OTOGL: variants seen among roughly 807,000 people sequenced by gnomAD.
OTOGL encodes the protein otogelin-like protein.
In OTOGL, 285 loss-of-function variants were observed where a neutral mutation model predicts 318.5. The observed-to-expected ratio is 0.89, with a 90% CI of 0.81 to 0.99. OTOGL has a LOEUF of 0.99. Ranked by LOEUF, OTOGL falls within the 50% of genes least tolerant of loss-of-function variation. OTOGL has a pLI of 0.00. For missense variants in OTOGL, 2,899 were observed against 2,845.6 expected, an observed-to-expected ratio of 1.02 and a Z score of -0.43; for synonymous variants, 987 against 936.5, an observed-to-expected ratio of 1.05 and a Z score of -0.99.
intron 3 of OTOGL, among the ~76,000 whole-genome samples, chr12:80,211,329 T>A (rs925217318): frequency 2.0e-5 from 3 of 152,076 alleles, no homozygotes; most frequent in African/African-American, 7.2e-5. Context: ...ATAAAGAAAA[T>A]CATTTTTTGG....
chr12:80,375,753 A>G (rs1363921379), intron 57 of OTOGL, among the ~76,000 whole-genome samples: 1 of 152,044 alleles, frequency 6.6e-6, no homozygotes, highest in Non-Finnish European at 1.5e-5. Context: ...GGTAAAGATG[A>G]TTTTTTTCAT....
At chr12:80,108,240 C>T (rs976114655) in intron 1 of OTOGL, among the ~76,000 whole-genome samples, 11 of 151,940 alleles carry the variant, frequency 7.2e-5, no homozygotes, top group African/African-American at 2.7e-4. Context: ...TATTGACTTG[C>T]TTCCTTTTCA....
At chr12:80,121,731 A>G (rs943217790) in intron 1 of OTOGL, among the ~76,000 whole-genome samples, 1 of 152,236 alleles carries the variant, frequency 6.6e-6, no homozygotes, top group African/African-American at 2.4e-5. Context: ...AACACAGCTT[A>G]ACTGACATTA....
At chr12:80,222,857 T>C (rs1878478206) in intron 7 of OTOGL, among the ~76,000 whole-genome samples, 1 of 152,186 alleles carries the variant, frequency 6.6e-6, no homozygotes, top group Non-Finnish European at 1.5e-5. Context: ...GCTGCCTACA[T>C]TCTCCTCCTT....
At chr12:80,308,369 G>A (rs1886374098) in intron 29 of OTOGL, among the ~76,000 whole-genome samples, 2 of 151,730 alleles carry the variant, frequency 1.3e-5, no homozygotes, top group African/African-American at 4.8e-5. Flanking sequence ...ATCCCGGACG[G>A]GGCGGCAGGG....
intron 44 of OTOGL, among the ~76,000 whole-genome samples, chr12:80,348,135 A>G (rs776111869): frequency 6.6e-6 from 1 of 151,980 alleles, no homozygotes; most frequent in East Asian, 1.9e-4. Context: ...ATTAGATCCC[A>G]TTTGTCAACT....
chr12:80,276,194 C>T (rs568105617), intron 24 of OTOGL, among the ~76,000 whole-genome samples: 2 of 151,844 alleles, frequency 1.3e-5, no homozygotes, highest in South Asian at 2.1e-4. Context: ...GGTGAGGTTT[C>T]CCTCACTTAA....
At chr12:80,337,346 A>G (rs1161830771) in intron 42 of OTOGL, among the ~76,000 whole-genome samples, 1 of 152,046 alleles carries the variant, frequency 6.6e-6, no homozygotes, top group Non-Finnish European at 1.5e-5. Context: ...GAGAGGGATG[A>G]TGATGTGGAA....
At chr12:80,154,051 G>A (rs1235306478) in intron 1 of OTOGL, among the ~76,000 whole-genome samples, 1 of 152,222 alleles carries the variant, frequency 6.6e-6, no homozygotes, top group East Asian at 1.9e-4. Flanking sequence ...GCTCATGCCT[G>A]TAATCCCAGC....
In OTOGL at chr12:80,368,211, G is replaced by A. The variant is rs775970766; in HGVS notation, c.6517G>A (p.Val2173Ile). 6.3e-7 allele frequency: 1 copy of A among 1,591,730 alleles called. No individual in the cohort carries two copies. The highest frequency in any genetic ancestry group is 1.7e-5 in the Admixed American group (1 of 58,096). ...CTAATATCATTATATGCAGCACCAG[G>A]TATATACTCCATCCCCAAGTGATTA... Reference protein sequence around the residue: ...NCSKKCDVHQVYTPSPSDYGC... With the variant: ...NCSKKCDVHQIYTPSPSDYGC... The change falls in exon 55 of 59, where the codon GTA becomes ATA. Residue 2173 changes from valine (V) to isoleucine (I), a missense_variant. Coordinates refer to ENST00000547103, the MANE Select transcript of OTOGL (RefSeq NM_001378609.3).
chr12:80,190,768 A>G (rs988587659), intron 1 of OTOGL, among the ~76,000 whole-genome samples: 1 of 139,794 alleles, frequency 7.2e-6, no homozygotes, highest in African/African-American at 2.6e-5. Flanking sequence ...GCTTGGGCGA[A>G]AGAGTGAGAC....
At chr12:80,331,762 T>TAAA in intron 37 of OTOGL, among the ~76,000 whole-genome samples, 1 of 152,202 alleles carries the variant, frequency 6.6e-6, no homozygotes, top group African/African-American at 2.4e-5. Flanking sequence ...TTCATGTGAC[T>TAAA]AAATTAAGAT....
At chr12:80,140,769 T>G (rs1479430285) in intron 1 of OTOGL, among the ~76,000 whole-genome samples, 1 of 152,210 alleles carries the variant, frequency 6.6e-6, no homozygotes, top group Non-Finnish European at 1.5e-5. Flanking sequence ...TTAGTATCAT[T>G]ACTATTTATG....
At chr12:80,353,768 G>A (rs927216734) in intron 46 of OTOGL, among the ~76,000 whole-genome samples, 16 of 152,192 alleles carry the variant, frequency 1.1e-4, no homozygotes, top group African/African-American at 3.9e-4. Flanking sequence ...AGAATTAAGA[G>A]TGTGGATTAT....
chr12:80,155,348 A>G (rs572523269), intron 1 of OTOGL, among the ~76,000 whole-genome samples: 1 of 152,320 alleles, frequency 6.6e-6, no homozygotes, highest in East Asian at 1.9e-4. Context: ...TAAAAAAGTC[A>G]TCACCCTATT....
At chr12:80,337,261 G>A (rs1268367238) in intron 42 of OTOGL, among the ~76,000 whole-genome samples, 1 of 151,976 alleles carries the variant, frequency 6.6e-6, no homozygotes, top group African/African-American at 2.4e-5. Context: ...CTCTGAGATA[G>A]TGTGATTGGC....
Position 80,356,488 on chromosome 12 carries a change from G to C in OTOGL, c.5879G>C (p.Ser1960Thr). Residue 1960 changes from serine to threonine, a missense_variant, in exon 48 of 59, where the codon AGT becomes ACT. Ser to Thr is a moderately conservative substitution (Grantham distance 58). Around this residue, in one of 3 missense-constraint regions of OTOGL, gnomAD observed 2,607 missense variants for 2,524.9 expected, o/e 1.03. Coordinates refer to ENST00000547103, the MANE Select transcript of OTOGL (RefSeq NM_001378609.3). ...TNSQKLIVGHSPLSCCPQYKC... is the reference protein window; with the variant it reads ...TNSQKLIVGHTPLSCCPQYKC... The stretch of plus-strand genomic sequence containing the variant: ...AGTCAAAAATTGATTGTTGGCCACA[G>C]TCCTCTTTCTTGCTGTCCACAGTAC... 6.2e-7 allele frequency: 1 copy of C among 1,611,536 alleles called. No homozygotes were observed. The highest frequency in any genetic ancestry group is 1.1e-5 in the South Asian group (1 of 90,872).
At chr12:80,275,718 C>A (rs998626148) in intron 24 of OTOGL, among the ~76,000 whole-genome samples, 1 of 151,732 alleles carries the variant, frequency 6.6e-6, no homozygotes, top group Non-Finnish European at 1.5e-5. Context: ...CAAGAAATTG[C>A]CACAGATATC....
chr12:80,169,063 C>T (rs573836050), intron 1 of OTOGL, among the ~76,000 whole-genome samples: 50 of 152,218 alleles, frequency 3.3e-4, no homozygotes, highest in African/African-American at 1.2e-3. Flanking sequence ...TGTTTGCCTT[C>T]TAGATTTTTT....
Sources: allele counts gnomAD v4.1 joint callset (sites outside exome capture counted in the v4.1 genomes callset), GRCh38; gene constraint gnomAD v4.1.1; regional missense constraint gnomAD v4.1.1; transcripts MANE v1.5; gene names NCBI Gene and HGNC (gene_info 2026-07-23, HGNC 2026-07-21).